The following CDH18 variants were observed in gnomAD, a reference collection of about 807,000 sequenced individuals.
CDH18 encodes the protein cadherin-18.
A neutral mutation model predicts 67.9 loss-of-function variants in CDH18; 31 were observed. That is an observed-to-expected ratio of 0.46 (90% CI 0.34 to 0.62). The LOEUF is 0.62. CDH18 is among the 20% of genes least tolerant of loss of function. The probability of loss-of-function intolerance (pLI) is 0.01; values close to 1 mark genes in which losing one functional copy is unlikely to be tolerated. For missense variants in CDH18, 890 were observed against 975.5 expected, an observed-to-expected ratio of 0.91 and a Z score of 1.17; for synonymous variants, 362 against 347.2, an observed-to-expected ratio of 1.04 and a Z score of -0.48.
At chr5:20,048,258 G>T (rs1161423747) in intron 2 of CDH18, among the ~76,000 whole-genome samples, 1 of 151,690 alleles carries the variant, frequency 6.6e-6, no homozygotes, top group East Asian at 1.9e-4. Flanking sequence ...CCGGTCAAAT[G>T]AATTAATGCT....
chr5:19,995,946 T>A (rs1382968073), intron 2 of CDH18, among the ~76,000 whole-genome samples: 6 of 152,270 alleles, frequency 3.9e-5, no homozygotes, highest in Non-Finnish European at 2.9e-5. Flanking sequence ...TGAGGCATTT[T>A]AAGATTCTTA....
At chr5:20,033,134 G>T (rs1739547781) in intron 2 of CDH18, among the ~76,000 whole-genome samples, 1 of 151,878 alleles carries the variant, frequency 6.6e-6, no homozygotes, top group Non-Finnish European at 1.5e-5. Flanking sequence ...TGCATGCTTA[G>T]TCAGAGGTTC....
intron 5 of CDH18, among the ~76,000 whole-genome samples, chr5:19,713,105 AT>A (rs34628568): frequency 0.96 from 144,441 of 150,950 alleles, 69,397 homozygotes; most frequent in Middle Eastern, 1. Flanking sequence ...AATTCCCAGT[AT>A]TTTTTTTTTC....
intron 1 of CDH18, among the ~76,000 whole-genome samples, chr5:20,454,790 T>G (rs985651957): frequency 6.6e-6 from 1 of 152,228 alleles, no homozygotes; most frequent in South Asian, 2.1e-4. Flanking sequence ...TTGTGATGGA[T>G]GATCATAATC....
chr5:20,236,275 G>A lies in CDH18; in HGVS notation c.-518+19169C>T, dbSNP rs959275818. The stretch of plus-strand genomic sequence containing the variant: ...AATATATAAATAAAATTTAAAGGAA[G>A]ATAAATAAATAAAAGCAGCTGGATA... On this transcript the variant is annotated intron_variant, in intron 2 of 14. Coordinates refer to the CDH18 transcript ENST00000507958. Among the ~76,000 whole-genome samples the A allele has an allele frequency of 2.5e-4, 38 of 150,478 alleles. No homozygotes were observed. The East Asian group carries it at 6.8e-3, about 27-fold the overall frequency.
chr5:19,635,712 T>C (rs1398194431), intron 5 of CDH18, among the ~76,000 whole-genome samples: 4 of 152,298 alleles, frequency 2.6e-5, no homozygotes, highest in African/African-American at 9.6e-5. Flanking sequence ...TACCTACTCA[T>C]CTGACTAGGT....
chr5:19,855,917 G>A (rs565132706), intron 2 of CDH18, among the ~76,000 whole-genome samples: 4 of 152,172 alleles, frequency 2.6e-5, no homozygotes, highest in Non-Finnish European at 5.9e-5. Flanking sequence ...TTAGAAAAAG[G>A]GAAGGATTTG....
At chr5:19,586,580 C>T (rs1744182382) in intron 7 of CDH18, among the ~76,000 whole-genome samples, 2 of 152,084 alleles carry the variant, frequency 1.3e-5, no homozygotes, top group South Asian at 2.1e-4. Flanking sequence ...GGTGTATATG[C>T]ACCACATTAT....
intron 1 of CDH18, among the ~76,000 whole-genome samples, chr5:20,504,926 C>T (rs1754565915): frequency 6.6e-6 from 1 of 151,810 alleles, no homozygotes; most frequent in African/African-American, 2.4e-5. Context: ...CGCCACCACG[C>T]CCGGCTAATT....
At chr5:20,032,594 G>A (rs1739499392) in intron 2 of CDH18, among the ~76,000 whole-genome samples, 2 of 151,970 alleles carry the variant, frequency 1.3e-5, no homozygotes. Context: ...GCCAGGCTTA[G>A]TAGTAGACAC....
chr5:20,366,925 A>G (rs1172084128), intron 1 of CDH18, among the ~76,000 whole-genome samples: 1 of 152,116 alleles, frequency 6.6e-6, no homozygotes, highest in Non-Finnish European at 1.5e-5. Flanking sequence ...AGACTTACCC[A>G]GAAGGCCTCA....
At chr5:19,909,623 C>T (rs1182256349) in intron 2 of CDH18, among the ~76,000 whole-genome samples, 3 of 151,716 alleles carry the variant, frequency 2.0e-5, no homozygotes, top group Non-Finnish European at 4.4e-5. Flanking sequence ...TTGGTGAATG[C>T]TTTTATTATA....
At chr5:20,522,055 A>G (rs929103009) in intron 1 of CDH18, among the ~76,000 whole-genome samples, 3 of 152,164 alleles carry the variant, frequency 2.0e-5, no homozygotes, top group Admixed American at 2.0e-4. Context: ...CCCTGTTTCA[A>G]TATCACTAGT....
chr5:19,761,202 G>T (rs1772296979), intron 3 of CDH18, among the ~76,000 whole-genome samples: 1 of 152,140 alleles, frequency 6.6e-6, no homozygotes, highest in African/African-American at 2.4e-5. Flanking sequence ...CTCTACAGGA[G>T]ATAAGAATCT....
At chr5:19,495,717 C>CAAAA (rs749003068) in intron 11 of CDH18, among the ~76,000 whole-genome samples, 1,095 of 43,484 alleles carry the variant, frequency 0.025, no homozygotes, top group Middle Eastern at 0.043. Flanking sequence ...GAAACTGTCT[C>CAAAA]AAAAAAAAAA....
intron 2 of CDH18, among the ~76,000 whole-genome samples, chr5:20,084,301 C>T (rs1744750647): frequency 6.6e-6 from 1 of 152,206 alleles, no homozygotes; most frequent in Non-Finnish European, 1.5e-5. Flanking sequence ...TCTCCTTTGA[C>T]TCCATGCCTC....
At chr5:20,469,730 T>C (rs1751917215) in intron 1 of CDH18, among the ~76,000 whole-genome samples, 1 of 152,182 alleles carries the variant, frequency 6.6e-6, no homozygotes, top group African/African-American at 2.4e-5. Flanking sequence ...CTCCACTCAG[T>C]ACAGAAATAT....
intron 1 of CDH18, among the ~76,000 whole-genome samples, chr5:20,394,015 C>T (rs1199574322): frequency 3.9e-5 from 6 of 151,950 alleles, no homozygotes; most frequent in South Asian, 4.2e-4. Context: ...ATGAAATTCC[C>T]GTCAAATTAA....
intron 1 of CDH18, among the ~76,000 whole-genome samples, chr5:20,319,218 G>A (rs1737761102): frequency 6.6e-6 from 1 of 152,162 alleles, no homozygotes; most frequent in African/African-American, 2.4e-5. Context: ...CAGATGGAGT[G>A]CAGATATGCT....
Sources: gnomAD v4.1 joint callset for allele counts (sites outside exome capture counted in the v4.1 genomes callset) on GRCh38, gnomAD v4.1.1 for gene constraint, MANE v1.5 for transcripts, NCBI Gene and HGNC (gene_info 2026-07-23, HGNC 2026-07-21) for gene names.